The following FAM168A variants were observed in gnomAD, a reference collection of about 807,000 sequenced individuals.
FAM168A encodes protein FAM168A.
In FAM168A, 3 loss-of-function variants were observed where a neutral mutation model predicts 28.5. That is an observed-to-expected ratio of 0.11 (90% CI 0.05 to 0.27). FAM168A has a LOEUF of 0.27. Among genes scored for constraint, FAM168A ranks in the 10% least tolerant of loss-of-function variants. The pLI is 1.00. For missense variants in FAM168A, 222 were observed against 311.5 expected, an observed-to-expected ratio of 0.71 and a Z score of 2.16; for synonymous variants, 122 against 124.2, an observed-to-expected ratio of 0.98 and a Z score of 0.12.
chr11:73,463,091 C>A (rs982096573), intron 2 of FAM168A, among the ~76,000 whole-genome samples: 3 of 151,966 alleles, frequency 2.0e-5, no homozygotes, highest in African/African-American at 4.8e-5. Context: ...GCCTCAGCCT[C>A]CAAAGTAGCT....
chr11:73,571,243 C>CCT (rs1555038724), intron 1 of FAM168A, among the ~76,000 whole-genome samples: 11,911 of 112,304 alleles, frequency 0.11, 1,001 homozygotes, highest in African/African-American at 0.24. Context: ...CTCCCCCCCC[C>CCT]CTCCCCACAG....
chr11:73,498,930 T>C (rs1854946644), intron 1 of FAM168A, among the ~76,000 whole-genome samples: 1 of 152,124 alleles, frequency 6.6e-6, no homozygotes, highest in Admixed American at 6.5e-5. Context: ...AGGCTTAGCC[T>C]CTCCTGGTAG....
At chr11:73,569,399 A>G (rs1232562114) in intron 1 of FAM168A, among the ~76,000 whole-genome samples, 3 of 152,196 alleles carry the variant, frequency 2.0e-5, no homozygotes, top group African/African-American at 7.2e-5. Flanking sequence ...TCTGTCTACC[A>G]TGGAATTTTG....
intron 1 of FAM168A, among the ~76,000 whole-genome samples, chr11:73,524,714 C>T (rs1311319169): frequency 6.6e-6 from 1 of 152,112 alleles, no homozygotes; most frequent in Non-Finnish European, 1.5e-5. Flanking sequence ...TCTCATGCCT[C>T]ACCCTCCCAA....
intron 1 of FAM168A, among the ~76,000 whole-genome samples, chr11:73,491,270 C>T (rs117202956): frequency 1.3e-5 from 2 of 152,276 alleles, no homozygotes; most frequent in Non-Finnish European, 2.9e-5. Flanking sequence ...TGGGAAGTTA[C>T]TTATGGTAAT....
intron 2 of FAM168A, among the ~76,000 whole-genome samples, chr11:73,463,662 A>C (rs1323697052): frequency 6.6e-6 from 1 of 152,230 alleles, no homozygotes; most frequent in African/African-American, 2.4e-5. Context: ...CAGGGGAAGA[A>C]AATTCTGAAA....
chr11:73,499,806 CATGCAGACAAAAATAGAGAAAAA>C (rs1295149298), intron 1 of FAM168A, among the ~76,000 whole-genome samples: 1 of 151,874 alleles, frequency 6.6e-6, no homozygotes, highest in African/African-American at 2.4e-5. Context: ...TGAAATAAGA[CATGCAGACAAAAATAGAGAAAAA>C]AGAATGAAAA....
intron 1 of FAM168A, among the ~76,000 whole-genome samples, chr11:73,481,431 A>G (rs1384900270): frequency 6.6e-6 from 1 of 152,196 alleles, no homozygotes. Flanking sequence ...CAATGGCTTT[A>G]AATTATCACA....
chr11:73,527,544 C>T (rs1429625449), intron 1 of FAM168A, among the ~76,000 whole-genome samples: 3 of 152,186 alleles, frequency 2.0e-5, no homozygotes, highest in Non-Finnish European at 4.4e-5. Context: ...GGAATTATCA[C>T]ATCCATTTTA....
chr11:73,436,443 T>G (rs1867087202), intron 2 of FAM168A, among the ~76,000 whole-genome samples: 1 of 152,070 alleles, frequency 6.6e-6, no homozygotes, highest in Non-Finnish European at 1.5e-5. Flanking sequence ...ATGAAGACAT[T>G]TTAGGTCTGA....
chr11:73,494,135 T>C (rs114329508), intron 1 of FAM168A, among the ~76,000 whole-genome samples: 1 of 152,116 alleles, frequency 6.6e-6, no homozygotes, highest in Non-Finnish European at 1.5e-5. Flanking sequence ...GTACAGTATG[T>C]ACATATACAT....
At chr11:73,430,631 TC>T in intron 3 of FAM168A, 58 bp downstream of exon 3, 1 of 1,521,576 alleles carries the variant, frequency 6.6e-7, no homozygotes, top group Non-Finnish European at 9.1e-7. Flanking sequence ...GTTTTGCTTT[TC>T]CCAAATAGAG....
At chr11:73,510,815 A>G (rs749673743) in intron 1 of FAM168A, 9 of 368,744 alleles carry the variant, frequency 2.4e-5, no homozygotes, top group Non-Finnish European at 4.3e-5. Context: ...GTAGGAATGG[A>G]CGTAGACAGA....
At chr11:73,420,102 C>A in intron 3 of FAM168A, 103 bp from the exon 4 acceptor site, 1 of 1,417,770 alleles carries the variant, frequency 7.1e-7, no homozygotes, top group Non-Finnish European at 9.6e-7. Flanking sequence ...AACATACAAC[C>A]CAAGGGGCCT....
intron 2 of FAM168A, among the ~76,000 whole-genome samples, chr11:73,442,955 G>GATAGATAT (rs1867226633): frequency 5.0e-5 from 2 of 40,228 alleles, no homozygotes; most frequent in African/African-American, 6.7e-5. Context: ...ATATACAAAG[G>GATAGATAT]ATATATATAT....
chr11:73,553,105 T>C (rs182004039), intron 1 of FAM168A, among the ~76,000 whole-genome samples: 1 of 152,332 alleles, frequency 6.6e-6, no homozygotes, highest in African/African-American at 2.4e-5. Flanking sequence ...AAGGGAGTTA[T>C]TATTATGGCC....
chr11:73,531,079 T>C (rs1306614911), intron 1 of FAM168A, among the ~76,000 whole-genome samples: 2 of 152,046 alleles, frequency 1.3e-5, no homozygotes, highest in Admixed American at 6.5e-5. Flanking sequence ...GGAGTTCTAA[T>C]GGAGGATGAC....
At chr11:73,430,469 C>G in intron 3 of FAM168A, 1 of 500,288 alleles carries the variant, frequency 2.0e-6, no homozygotes, top group South Asian at 2.0e-5. Flanking sequence ...GACAGATGAG[C>G]CAACCTTAAG....
intron 2 of FAM168A, among the ~76,000 whole-genome samples, chr11:73,444,003 C>G (rs1349749889): frequency 1.3e-5 from 2 of 152,148 alleles, no homozygotes; most frequent in Non-Finnish European, 2.9e-5. Flanking sequence ...ATTTCCTCCT[C>G]TGGCTATCCT....
Sources: allele counts gnomAD v4.1 joint callset (sites outside exome capture counted in the v4.1 genomes callset), GRCh38; gene constraint gnomAD v4.1.1; transcripts MANE v1.5; gene names NCBI Gene and HGNC (gene_info 2026-07-23, HGNC 2026-07-21).